ASMTL: variants seen among roughly 807,000 people sequenced by gnomAD.
The protein encoded by ASMTL is acetylserotonin O-methyltransferase like, also known as probable bifunctional dTTP/UTP pyrophosphatase/methyltransferase protein.
Under a neutral mutation model 60.3 loss-of-function variants are expected in ASMTL, and 57 were observed. That is an observed-to-expected ratio of 0.95 (90% CI 0.76 to 1.18). ASMTL has a LOEUF of 1.18. ASMTL is among the 50% of genes most tolerant of loss of function. The probability of loss-of-function intolerance (pLI) is 0.00; values close to 1 mark genes in which losing one functional copy is unlikely to be tolerated. For synonymous variants in ASMTL, 419 were observed against 373.0 expected, an observed-to-expected ratio of 1.12 and a Z score of -1.42; for missense variants, 981 against 852.6, an observed-to-expected ratio of 1.15 and a Z score of -1.88.
At chrX:1,404,336 G>A (rs1224181312) in intron 12 of ASMTL, among the ~76,000 whole-genome samples, 3 of 150,300 alleles carry the variant, frequency 2.0e-5, no homozygotes, top group African/African-American at 4.9e-5. Flanking sequence ...ATGAATGGAT[G>A]GATAGATGAA....
chrX:1,429,555 C>A (rs774330437), intron 6 of ASMTL, among the ~76,000 whole-genome samples: 5 of 151,640 alleles, frequency 3.3e-5, no homozygotes, highest in Admixed American at 6.6e-5. Flanking sequence ...CCCAGCACTT[C>A]GGGAGGCTGA....
chrX:1,440,837 C>A (rs2091091779), intron 2 of ASMTL, among the ~76,000 whole-genome samples: 1 of 152,058 alleles, frequency 6.6e-6, no homozygotes, highest in African/African-American at 2.4e-5. Flanking sequence ...CATTATGATA[C>A]AATTATATTA....
chrX:1,420,956 G>A (rs866391866), intron 9 of ASMTL, among the ~76,000 whole-genome samples: 15 of 90,374 alleles, frequency 1.7e-4, no homozygotes, highest in Middle Eastern at 5.7e-3. Flanking sequence ...CTGGCTAATC[G>A]TTAATTTTTT....
At chrX:1,440,589 G>A (rs1234988335) in intron 2 of ASMTL, among the ~76,000 whole-genome samples, 1 of 152,154 alleles carries the variant, frequency 6.6e-6, no homozygotes, top group African/African-American at 2.4e-5. Flanking sequence ...TATAGTAATT[G>A]ATAAGCTACA....
At chrX:1,403,878 GGATGGATA>G (rs1301691773) in intron 12 of ASMTL, among the ~76,000 whole-genome samples, 1 of 152,082 alleles carries the variant, frequency 6.6e-6, no homozygotes, top group Non-Finnish European at 1.5e-5. Context: ...GTACATGGAT[GGATGGATA>G]GATGGATGCA....
chrX:1,412,700 C>T (rs372317100), intron 12 of ASMTL, 32 bp downstream of exon 12: 2 of 1,613,752 alleles, frequency 1.2e-6, no homozygotes, highest in Non-Finnish European at 8.5e-7. Context: ...TACGTCTTAA[C>T]AAAAACAGCT....
chrX:1,438,095 C>G (rs571332062), intron 3 of ASMTL, among the ~76,000 whole-genome samples: 2 of 151,682 alleles, frequency 1.3e-5, no homozygotes, highest in Non-Finnish European at 2.9e-5. Context: ...TTGAGACCAG[C>G]CTGGCCAACA....
At chrX:1,412,311 T>C (rs5949002) in intron 12 of ASMTL, among the ~76,000 whole-genome samples, 65,840 of 151,694 alleles carry the variant, frequency 0.43, 14,408 homozygotes, top group Middle Eastern at 0.44. Flanking sequence ...CACTGCAGTC[T>C]CCAGCTCCCG....
intron 11 of ASMTL, among the ~76,000 whole-genome samples, chrX:1,417,271 G>A (rs773190692): frequency 6.1e-5 from 9 of 147,930 alleles, no homozygotes; most frequent in Non-Finnish European, 7.4e-5. Context: ...CCAGCACACA[G>A]CATACACACA....
Position 1,431,680 on chromosome X carries a change from AATAT to A in ASMTL, c.509+585_509+588del, listed in dbSNP as rs769431270. Among the ~76,000 whole-genome samples, 759 of 147,536 alleles carry A rather than the reference AATAT, an allele frequency of 5.1e-3. 7 individuals are homozygous for A. Among genetic ancestry groups the A allele is most frequent in the African/African-American group, 0.017 (682 of 40,626 alleles). On this transcript the variant is annotated intron_variant, in intron 6 of 12. Transcript: ENST00000381317. ...AATGTAGATTATATATAATTAATAG[AATAT>A]ATAATGTGGAATACATAAATTATAT...
chrX:1,428,935 C>T (rs778348326), intron 6 of ASMTL, among the ~76,000 whole-genome samples: 19 of 151,464 alleles, frequency 1.3e-4, no homozygotes, highest in Admixed American at 4.0e-4. Flanking sequence ...CTCGCTCTGT[C>T]GCCCAGGCTG....
chrX:1,439,211 C>T (rs1287902253), intron 2 of ASMTL, 67 bp from the exon 3 acceptor site: 41 of 1,552,350 alleles, frequency 2.6e-5, no homozygotes, highest in African/African-American at 1.5e-4. Flanking sequence ...GTTTTCCCGT[C>T]GGTACGGGCG....
Position 1,439,096 on chromosome X carries a change from C to T in ASMTL, c.273+1G>A. ...AAACGAGGCACCCTGGCCGCACTCA[C>T]CACGATCGTGTCCGCTCCAATGACC... On this transcript the variant is annotated splice_donor_variant, in intron 3 of 12. Transcript: ENST00000381317. LOFTEE classifies it high-confidence loss of function. 6.2e-7 allele frequency: 1 copy of T among 1,614,002 alleles called. No individual in the cohort carries two copies. The highest frequency in any genetic ancestry group is 8.5e-7 in the Non-Finnish European group (1 of 1,179,850).
intron 12 of ASMTL, among the ~76,000 whole-genome samples, chrX:1,407,299 G>A (rs1309239857): frequency 3.3e-5 from 5 of 151,316 alleles, no homozygotes; most frequent in African/African-American, 1.2e-4. Flanking sequence ...CTGAATAGAT[G>A]GTACATGATG....
intron 1 of ASMTL, among the ~76,000 whole-genome samples, chrX:1,445,665 G>A (rs1411239906): frequency 3.9e-5 from 6 of 152,112 alleles, no homozygotes; most frequent in South Asian, 2.1e-4. Flanking sequence ...GAGCTCTTCC[G>A]GTATATGATA....
rs1440975290 is a variant in ASMTL, at chrX:1,403,209, C to T, written c.*60G>A. On this transcript the variant is annotated 3_prime_UTR_variant, in exon 13 of 13. Coordinates refer to ENST00000381317, the MANE Select transcript of ASMTL (RefSeq NM_004192.4). ...TGACTGTCCTATGGTACTTGGGGAC[C>T]GGGCGGTCCACCTGCAGCCTGGGGG... is the stretch of plus-strand genomic sequence containing the variant. 162 of 1,430,910 alleles carry T rather than the reference C, an allele frequency of 1.1e-4. No homozygotes were observed. Among genetic ancestry groups the T allele is most frequent in the Middle Eastern group, 2.2e-4 (1 of 4,558 alleles). The allele number at this position is 1,430,910 out of a possible 1,614,324, so 88.6% of individuals were successfully genotyped here.
intron 3 of ASMTL, among the ~76,000 whole-genome samples, chrX:1,436,333 C>G (rs1407346927): frequency 6.6e-6 from 1 of 151,874 alleles, no homozygotes; most frequent in Non-Finnish European, 1.5e-5. Context: ...ACCACCATGC[C>G]TGGCTAATTT....
rs28972982 is a variant in ASMTL at position 1,450,744 on chromosome X, C to A, written c.93+2004G>T. Among the ~76,000 whole-genome samples, 325 of 146,034 alleles carry A rather than the reference C, an allele frequency of 2.2e-3. 7 individuals carry two copies. The highest frequency in any genetic ancestry group is 7.8e-3 in the African/African-American group (302 of 38,750). ...TAGGGGTTCTGGGTTACTCTCCCCTCCCCCATCCCTAGGGTTCCCGGGTTA... is the reference window on the plus strand; with the variant it reads ...TAGGGGTTCTGGGTTACTCTCCCCTACCCCATCCCTAGGGTTCCCGGGTTA... On this transcript the variant is annotated intron_variant, in intron 1 of 12. Transcript: ENST00000381317.
chrX:1,431,424 C>G (rs1318549022), intron 6 of ASMTL, among the ~76,000 whole-genome samples: 2 of 134,622 alleles, frequency 1.5e-5, no homozygotes, highest in Non-Finnish European at 3.0e-5. Flanking sequence ...GTTATATAAC[C>G]TATCATATAA....
Sources: allele counts gnomAD v4.1 joint callset (sites outside exome capture counted in the v4.1 genomes callset), GRCh38; gene constraint gnomAD v4.1.1; transcripts MANE v1.5; gene names NCBI Gene and HGNC (gene_info 2026-07-23, HGNC 2026-07-21).